Variants in ADAMTS3 observed in about 807,000 individuals in gnomAD.
The protein encoded by ADAMTS3 is A disintegrin and metalloproteinase with thrombospondin motifs 3.
In ADAMTS3, 73 loss-of-function variants were observed where a neutral mutation model predicts 129.0. The observed-to-expected ratio is 0.57, with a 90% CI of 0.47 to 0.69. The LOEUF is 0.69. Ranked by LOEUF, ADAMTS3 falls within the 30% of genes least tolerant of loss-of-function variation. ADAMTS3 has a pLI of 0.00. For missense variants in ADAMTS3, 1,457 were observed against 1,514.5 expected (o/e 0.96, Z 0.63); for synonymous variants, 477 against 510.8 (o/e 0.93, Z 0.89).
chr4:72,516,352 G>A (rs548635224), intron 3 of ADAMTS3, among the ~76,000 whole-genome samples: 1 of 152,228 alleles, frequency 6.6e-6, no homozygotes, highest in East Asian at 1.9e-4. Context: ...CTTTCAAGTA[G>A]TTTTTTCCAA....
intron 3 of ADAMTS3, among the ~76,000 whole-genome samples, chr4:72,460,674 T>C (rs1207662593): frequency 6.6e-6 from 1 of 151,460 alleles, no homozygotes; most frequent in East Asian, 1.9e-4. Flanking sequence ...TTGGGAATAC[T>C]TGTAGCTACA....
At chr4:72,378,659 T>A (rs1351557483) in intron 4 of ADAMTS3, among the ~76,000 whole-genome samples, 1 of 152,086 alleles carries the variant, frequency 6.6e-6, no homozygotes, top group Non-Finnish European at 1.5e-5. Flanking sequence ...TTTTTTTTTT[T>A]GCAGTCACAG....
intron 21 of ADAMTS3, among the ~76,000 whole-genome samples, chr4:72,287,446 G>T (rs991336196): frequency 1.3e-5 from 2 of 149,626 alleles, no homozygotes; most frequent in Non-Finnish European, 3.0e-5. Flanking sequence ...GTGAAGGGGA[G>T]GACACCGAGA....
chr4:72,506,605 T>A (rs943205806), intron 3 of ADAMTS3, among the ~76,000 whole-genome samples: 2 of 152,234 alleles, frequency 1.3e-5, no homozygotes, highest in Admixed American at 1.3e-4. Context: ...TCTAGGGAAA[T>A]GCTTGCAGCT....
At chr4:72,430,453 A>G (rs941177255) in intron 3 of ADAMTS3, among the ~76,000 whole-genome samples, 1 of 151,996 alleles carries the variant, frequency 6.6e-6, no homozygotes, top group African/African-American at 2.4e-5. Context: ...CCCAGGCACC[A>G]GACATGTGAA....
In ADAMTS3 at chr4:72,330,271, G is replaced by A. The variant is rs560142347; in HGVS notation, c.862-7174C>T. ...TGACCTCAGGTAACCCACCCACCTC[G>A]GCCTCCCAAAGTGCTGGGATTGCAG... On this transcript the variant is annotated intron_variant, in intron 5 of 21. Transcript: ENST00000286657. Among the ~76,000 whole-genome samples, 132 of 152,050 alleles carry A rather than the reference G, an allele frequency of 8.7e-4. 1 individual carries two copies. The highest frequency in any genetic ancestry group is 3.0e-3 in the African/African-American group (124 of 41,510).
intron 4 of ADAMTS3, among the ~76,000 whole-genome samples, chr4:72,401,579 AAAAAAAAAAGAAAAG>A (rs1721921234): frequency 7.0e-6 from 1 of 143,328 alleles, no homozygotes; most frequent in Non-Finnish European, 1.6e-5. Flanking sequence ...AAAAAAAAAA[AAAAAAAAAAGAAAAG>A]AAAAAAAAAG....
intron 2 of ADAMTS3, among the ~76,000 whole-genome samples, chr4:72,564,041 T>C (rs916704881): frequency 6.6e-6 from 1 of 152,126 alleles, no homozygotes; most frequent in African/African-American, 2.4e-5. Context: ...AGAGTAAGAT[T>C]AGCAACTTTA....
Position 72,548,853 on chromosome 4 carries a change from C to T in ADAMTS3, c.129G>A (p.Glu43=), listed in dbSNP as rs752668617. 3.7e-6 allele frequency: 6 copies of T among 1,613,050 alleles called. No individual in the cohort carries two copies. Among genetic ancestry groups the T allele is most frequent in the Non-Finnish European group, 5.1e-6 (6 of 1,179,688 alleles). Reference sequence around the variant, plus strand: ...GATTTGTGCTGACTGGAGTCACCAGCTCATACTCTCTATATCTCTTTATTG... The same window carrying T: ...GATTTGTGCTGACTGGAGTCACCAGTTCATACTCTCTATATCTCTTTATTG... ...DLPIKRYREY[E]LVTPVSTNLE... The change falls in exon 3 of 22, where the codon GAG becomes GAA. Residue 43 remains glutamate, a synonymous_variant. Transcript: ENST00000286657.
In ADAMTS3 at chr4:72,530,031, A is replaced by ATATATT. The variant is rs375982827; in HGVS notation, c.504+18446_504+18447insAATATA. 2.6e-3 allele frequency among the ~76,000 whole-genome samples: 8 copies of ATATATT among 3,092 alleles called. 3 individuals are homozygous for ATATATT. The highest frequency in any genetic ancestry group is 0.01 in the African/African-American group (7 of 690). 2.0% of individuals were successfully genotyped at this position (3,092 alleles called of 152,430 possible). A position where few individuals can be genotyped will look rare whatever the true frequency, so the allele number is the denominator to read the frequency against. ...ATATAATATATTATATTTATATATAAATATAATATATTATATTTATATATA... is the reference window on the plus strand; with the variant it reads ...ATATAATATATTATATTTATATATAATATATTATATAATATATTATATTTATATATA... On this transcript the variant is annotated intron_variant, in intron 3 of 21. Transcript: ENST00000286657.
At chr4:72,537,606 A>C (rs1721213967) in intron 3 of ADAMTS3, among the ~76,000 whole-genome samples, 1 of 151,788 alleles carries the variant, frequency 6.6e-6, no homozygotes, top group East Asian at 1.9e-4. Flanking sequence ...ACAACTACAA[A>C]CAAATAAACA....
chr4:72,447,224 T>G (rs983561757), intron 3 of ADAMTS3, among the ~76,000 whole-genome samples: 1 of 151,710 alleles, frequency 6.6e-6, no homozygotes, highest in Non-Finnish European at 1.5e-5. Flanking sequence ...AAATCCCTTA[T>G]GTCTTTCTTT....
At chr4:72,546,633 T>C (rs757829434) in intron 3 of ADAMTS3, among the ~76,000 whole-genome samples, 2 of 152,086 alleles carry the variant, frequency 1.3e-5, no homozygotes, top group African/African-American at 2.4e-5. Flanking sequence ...TTCTAGCAAG[T>C]TGAAAAAAAT....
chr4:72,326,796 C>G (rs1719710331), intron 5 of ADAMTS3, among the ~76,000 whole-genome samples: 1 of 152,176 alleles, frequency 6.6e-6, no homozygotes, highest in Non-Finnish European at 1.5e-5. Context: ...CCTCAAGATT[C>G]TTCTATTTGA....
At chr4:72,561,973 G>A (rs905194024) in intron 2 of ADAMTS3, among the ~76,000 whole-genome samples, 4 of 152,170 alleles carry the variant, frequency 2.6e-5, no homozygotes, top group African/African-American at 9.7e-5. Flanking sequence ...TTATATGTGG[G>A]AACAGAGGTT....
At chr4:72,394,321 AT>A in intron 4 of ADAMTS3, among the ~76,000 whole-genome samples, 1 of 152,324 alleles carries the variant, frequency 6.6e-6, no homozygotes, top group Middle Eastern at 3.4e-3. Context: ...TTTTACAGAA[AT>A]GTTAAGGGAG....
chr4:72,564,487 T>C (rs1721977304), intron 2 of ADAMTS3, among the ~76,000 whole-genome samples: 1 of 152,074 alleles, frequency 6.6e-6, no homozygotes, highest in Admixed American at 6.6e-5. Context: ...TACTTACACA[T>C]ATATACAGAA....
At chr4:72,554,279 T>C (rs1261685320) in intron 2 of ADAMTS3, among the ~76,000 whole-genome samples, 1 of 152,222 alleles carries the variant, frequency 6.6e-6, no homozygotes, top group Non-Finnish European at 1.5e-5. Flanking sequence ...AATTTTTTAC[T>C]TTCTATGTTA....
chr4:72,515,480 C>T (rs1380523708), intron 3 of ADAMTS3, among the ~76,000 whole-genome samples: 1 of 151,038 alleles, frequency 6.6e-6, no homozygotes, highest in African/African-American at 2.4e-5. Context: ...TATTTCTCCA[C>T]ATCCTCTCCA....
Sources: allele counts gnomAD v4.1 joint callset (sites outside exome capture counted in the v4.1 genomes callset), GRCh38; gene constraint gnomAD v4.1.1; transcripts MANE v1.5; gene names NCBI Gene and HGNC (gene_info 2026-07-23, HGNC 2026-07-21).